Variants in ZFP69B observed in about 807,000 individuals in gnomAD.
ZFP69B encodes the protein ZFP69 zinc finger protein B.
ZFP69B carries 20 observed loss-of-function variants against 19.7 expected under a neutral mutation model. The ratio of observed to expected loss-of-function variants is 1.02; its 90% CI spans 0.71 to 1.48. The LOEUF (loss-of-function observed/expected upper bound fraction) is 1.48. ZFP69B is among the 40% of genes most tolerant of loss of function. The pLI, the probability that ZFP69B is intolerant of heterozygous loss-of-function variation, is 0.00. For synonymous variants in ZFP69B, 220 were observed against 222.7 expected (o/e 0.99, Z 0.11); for missense variants, 583 against 632.6 (o/e 0.92, Z 0.84).
In ZFP69B at chr1:40,462,867, A is replaced by G. The variant is rs1327219341; in HGVS notation, c.883A>G (p.Thr295Ala). ...EKIFKQLIHLTEHMRIHTGEK... is the reference protein window; with the variant it reads ...EKIFKQLIHLAEHMRIHTGEK... ...AATCTTCAAACAGCTTATTCACCTTACTGAACACATGAGAATTCATACCGG... is the reference window on the plus strand; with the variant it reads ...AATCTTCAAACAGCTTATTCACCTTGCTGAACACATGAGAATTCATACCGG... Residue 295 changes from threonine to alanine, a missense_variant, in exon 5 of 5, where the codon ACT (threonine) becomes GCT (alanine). Coordinates refer to ENST00000361584, the MANE Select transcript of ZFP69B (RefSeq NM_023070.3). 6.2e-7 allele frequency: 1 copy of G among 1,614,194 alleles called. No individual in the cohort carries two copies.
chr1:40,453,216 C>T (rs1290918078), intron 1 of ZFP69B, among the ~76,000 whole-genome samples: 1 of 152,134 alleles, frequency 6.6e-6, no homozygotes, highest in Non-Finnish European at 1.5e-5. Flanking sequence ...ACCTCAGCCT[C>T]CCAAAGTGCT....
chr1:40,462,899 A>G lies in ZFP69B; in HGVS notation c.915A>G (p.Lys305=). ...TEHMRIHTGE[K]PFRCKECGKA... is the part of the protein sequence containing the mutation. ...ACATGAGAATTCATACCGGGGAGAA[A>G]CCTTTCAGATGTAAGGAATGTGGAA... The change falls in exon 5 of 5, where the codon AAA becomes AAG. Residue 305 remains lysine, a synonymous_variant. Coordinates refer to ENST00000361584, the MANE Select transcript of ZFP69B (RefSeq NM_023070.3). The G allele has an allele frequency of 6.2e-7, 1 of 1,614,118 alleles. No homozygotes were observed. The highest frequency in any genetic ancestry group is 8.5e-7 in the Non-Finnish European group (1 of 1,180,028).
intron 4 of ZFP69B, among the ~76,000 whole-genome samples, chr1:40,460,318 G>A (rs1645269951): frequency 6.6e-6 from 1 of 152,298 alleles, no homozygotes; most frequent in Non-Finnish European, 1.5e-5. Context: ...TGTCCATGCA[G>A]TAGAATGCAA....
At chr1:40,460,779 G>A (rs1569984853) in intron 4 of ZFP69B, among the ~76,000 whole-genome samples, 1 of 152,026 alleles carries the variant, frequency 6.6e-6, no homozygotes, top group Admixed American at 6.5e-5. Flanking sequence ...TAAAGAGATC[G>A]AGACCATCCT....
intron 4 of ZFP69B, among the ~76,000 whole-genome samples, chr1:40,460,517 CTT>C (rs1371773669): frequency 1.3e-5 from 2 of 152,074 alleles, no homozygotes; most frequent in East Asian, 1.9e-4. Context: ...TGAGATAAAA[CTT>C]AATGTACAGA....
At chr1:40,458,218 A>G (rs958721137) in intron 4 of ZFP69B, among the ~76,000 whole-genome samples, 2 of 152,198 alleles carry the variant, frequency 1.3e-5, no homozygotes, top group African/African-American at 4.8e-5. Context: ...GTGTGTTCTT[A>G]TGGCACTATT....
rs144708717 is a variant in ZFP69B, at chr1:40,455,891, A to G, written c.214-1054A>G. ...CTGTTCCTGTGTTAGTTTGCTGAGA[A>G]TGATGGTTTCCAGCTTCATCCATGT... On this transcript the variant is annotated intron_variant, in intron 2 of 4. Coordinates refer to ENST00000361584, the MANE Select transcript of ZFP69B (RefSeq NM_023070.3). 8.1e-3 allele frequency among the ~76,000 whole-genome samples: 1,233 copies of G among 152,276 alleles called. 17 individuals are homozygous for G. Among genetic ancestry groups the G allele is most frequent in the African/African-American group, 0.027 (1,131 of 41,562 alleles).
Position 40,456,993 on chromosome 1 carries a change from TG to T in ZFP69B, c.267del (p.Gln90SerfsTer13). 6.2e-7 allele frequency: 1 copy of T among 1,613,928 alleles called. No individual in the cohort carries two copies. Among genetic ancestry groups the T allele is most frequent in the Non-Finnish European group, 8.5e-7 (1 of 1,179,946 alleles). On this transcript the variant is annotated frameshift_variant, in exon 3 of 5. Coordinates refer to ENST00000361584, the MANE Select transcript of ZFP69B (RefSeq NM_023070.3). LOFTEE classifies it high-confidence loss of function. ...DVSVDFTQEE[W>X]GQLAPAHRNL... ...ATCTGTGGACTTCACTCAGGAGGAG[TG>T]GGGGCAGCTGGCCCCTGCTCACCGG...
intron 1 of ZFP69B, 105 bp from the exon 2 acceptor site, chr1:40,454,098 T>G: frequency 1.4e-6 from 1 of 734,336 alleles, no homozygotes; most frequent in Non-Finnish European, 2.0e-6. Context: ...TGTCCCTGTT[T>G]GTGAACGTTT....
intron 4 of ZFP69B, among the ~76,000 whole-genome samples, chr1:40,462,201 T>C (rs1645291435): frequency 6.6e-6 from 1 of 152,186 alleles, no homozygotes; most frequent in African/African-American, 2.4e-5. Context: ...ATGATAGGCA[T>C]GAGCCACCGC....
At chr1:40,456,090 A>G (rs372249891) in intron 2 of ZFP69B, among the ~76,000 whole-genome samples, 15 of 152,236 alleles carry the variant, frequency 9.9e-5, no homozygotes, top group African/African-American at 3.4e-4. Flanking sequence ...TCTTTATAAT[A>G]GAATGATTTA....
In ZFP69B at chr1:40,463,450, C is replaced by G; in HGVS notation, c.1466C>G (p.Ser489Cys). 1 of 1,614,076 alleles carries G rather than the reference C, an allele frequency of 6.2e-7. No individual in the cohort carries two copies. The highest frequency in any genetic ancestry group is 8.5e-7 in the Non-Finnish European group (1 of 1,179,998). ...GGGAAAGCCTTTAGGCATGATTCAT[C>G]CTTTGCTAAACATCAGAGAATTCAT... ...HCGKAFRHDS[S>C]FAKHQRIHTG... is the part of the protein sequence containing the mutation. Residue 489 changes from serine to cysteine, a missense_variant, in exon 5 of 5, where the codon TCC becomes TGC. Transcript: ENST00000361584.
rs762278175 is a variant in ZFP69B, at chr1:40,457,386, AAGG to A, written c.386_388del (p.Gly129del). Reference sequence around the variant, plus strand: ...CCTGGCGTGATTTCCCAGTTGGAGAAAGGAGAAGAACCATGGCTGATGGAGAGA... The same window carrying A: ...CCTGGCGTGATTTCCCAGTTGGAGAAAGAAGAACCATGGCTGATGGAGAGA... On this transcript the variant is annotated inframe_deletion, in exon 4 of 5. Coordinates refer to ENST00000361584, the MANE Select transcript of ZFP69B (RefSeq NM_023070.3). 17 of 1,614,086 alleles carry A rather than the reference AAGG, an allele frequency of 1.1e-5. No individual in the cohort carries two copies. The highest frequency in any genetic ancestry group is 3.3e-5 in the Admixed American group (2 of 59,998).
At chr1:40,461,857 T>C (rs768974586) in intron 4 of ZFP69B, among the ~76,000 whole-genome samples, 6 of 152,170 alleles carry the variant, frequency 3.9e-5, no homozygotes, top group Non-Finnish European at 7.4e-5. Context: ...TCTTATTAGT[T>C]TATATCCTCT....
At chr1:40,459,515 C>A (rs1404728049) in intron 4 of ZFP69B, among the ~76,000 whole-genome samples, 6 of 152,284 alleles carry the variant, frequency 3.9e-5, no homozygotes, top group Middle Eastern at 6.8e-3. Context: ...CCCACAGCTT[C>A]TTCCTTAATA....
In ZFP69B at chr1:40,462,999, G is replaced by C. The variant is rs1645305084; in HGVS notation, c.1015G>C (p.Glu339Gln). 1 of 1,614,042 alleles carries C rather than the reference G, an allele frequency of 6.2e-7. No homozygotes were observed. Among genetic ancestry groups the C allele is most frequent in the African/African-American group, 1.3e-5 (1 of 75,004 alleles). Residue 339 changes from glutamate (E) to glutamine (Q), a missense_variant, in exon 5 of 5, where the codon GAG becomes CAG. Coordinates refer to ENST00000361584, the MANE Select transcript of ZFP69B (RefSeq NM_023070.3). ...HTGEKPYECK[E>Q]CGKTFRHPSS... The stretch of plus-strand genomic sequence containing the variant: ...TGGTGAGAAACCCTATGAATGTAAG[G>C]AGTGTGGGAAAACCTTCAGACATCC...
Position 40,457,437 on chromosome 1 carries a change from C to T in ZFP69B, c.434C>T (p.Ser145Leu), listed in dbSNP as rs1260652671. 6 of 1,613,848 alleles carry T rather than the reference C, an allele frequency of 3.7e-6. No homozygotes were observed. The highest frequency in any genetic ancestry group is 1.7e-5 in the Admixed American group (1 of 60,018). ...MERDISGVPSSDLKSKTKTKE... is the reference protein window; with the variant it reads ...MERDISGVPSLDLKSKTKTKE... ...AGAGATATTTCAGGAGTTCCAAGTT[C>T]AGGTAAGTGCAAGGCAGGTGGGGCC... Residue 145 changes from serine to leucine, a missense_variant and splice_region_variant, in exon 4 of 5, where the codon TCA becomes TTA. By Grantham distance (145) the Ser-to-Leu change is moderately radical. Transcript: ENST00000361584.
chr1:40,458,347 C>T (rs7535790), intron 4 of ZFP69B, among the ~76,000 whole-genome samples: 40,792 of 151,720 alleles, frequency 0.27, 6,999 homozygotes, highest in East Asian at 0.49. Context: ...CAGTGTTTCT[C>T]ATCAGTGTCT....
In ZFP69B at chr1:40,460,283, A is replaced by AT. The variant is rs1198897152; in HGVS notation, c.437-2138_437-2137insT. On this transcript the variant is annotated intron_variant, in intron 4 of 4. Transcript: ENST00000361584. ...ATTGGAGACAAGTGAAATATTTTTC[A>AT]GTAGGGACAAGTCAAATTATGTTAT... 2.0e-5 allele frequency among the ~76,000 whole-genome samples: 3 copies of AT among 152,320 alleles called. No homozygotes were observed. In the East Asian group the frequency reaches 5.8e-4, roughly 29 times the overall value.
Sources: allele counts gnomAD v4.1 joint callset (sites outside exome capture counted in the v4.1 genomes callset), GRCh38; gene constraint gnomAD v4.1.1; transcripts MANE v1.5; gene names NCBI Gene and HGNC (gene_info 2026-07-23, HGNC 2026-07-21).